Variants in SLC25A17 observed in about 807,000 individuals in gnomAD.
SLC25A17 encodes the protein solute carrier family 25 member 17.
Under a neutral mutation model 38.5 loss-of-function variants are expected in SLC25A17, and 26 were observed. The ratio of observed to expected loss-of-function variants is 0.68; its 90% CI spans 0.50 to 0.94. The LOEUF (loss-of-function observed/expected upper bound fraction) is 0.94, where lower values mean the gene tolerates loss of function less well. Among genes scored for constraint, SLC25A17 ranks in the 40% least tolerant of loss-of-function variants. The probability of loss-of-function intolerance (pLI) is 0.00; values close to 1 mark genes in which losing one functional copy is unlikely to be tolerated. For synonymous variants in SLC25A17, 139 were observed against 136.2 expected (o/e 1.02, Z -0.14); for missense variants, 333 against 372.7 (o/e 0.89, Z 0.88).
chr22:40,815,895 A>G (rs1300237306), intron 1 of SLC25A17, among the ~76,000 whole-genome samples: 1 of 152,200 alleles, frequency 6.6e-6, no homozygotes, highest in African/African-American at 2.4e-5. Flanking sequence ...AAGTTAGAAA[A>G]GTAATTCCAG....
intron 1 of SLC25A17, among the ~76,000 whole-genome samples, chr22:40,800,010 C>T (rs956538929): frequency 6.6e-6 from 1 of 152,190 alleles, no homozygotes; most frequent in Non-Finnish European, 1.5e-5. Flanking sequence ...GGTAATTAAA[C>T]AGACACATAC....
At chr22:40,780,026 A>G (rs1261470455) in intron 4 of SLC25A17, 1 of 152,288 alleles carries the variant, frequency 6.6e-6, no homozygotes, top group Non-Finnish European at 1.5e-5. Flanking sequence ...AAAAAAGCAC[A>G]CATCCAACTG....
intron 1 of SLC25A17, among the ~76,000 whole-genome samples, chr22:40,801,779 G>A (rs964803789): frequency 1.1e-4 from 17 of 152,062 alleles, no homozygotes; most frequent in African/African-American, 3.9e-4. Context: ...CTATCGCATG[G>A]TACTGCATTT....
rs1018689211 is a variant in SLC25A17 at position 40,770,629 on chromosome 22, C to T, written c.*205G>A. The stretch of plus-strand genomic sequence containing the variant: ...TTTTTTCACATTAGTCCAACTGCCA[C>T]CCCAAAATCCAACCAGCCAGCATGA... On this transcript the variant is annotated 3_prime_UTR_variant, in exon 9 of 9. Coordinates refer to ENST00000435456, the MANE Select transcript of SLC25A17 (RefSeq NM_006358.4). 2 of 403,460 alleles carry T rather than the reference C, an allele frequency of 5.0e-6. No homozygotes were observed. Among genetic ancestry groups the T allele is most frequent in the Non-Finnish European group, 8.6e-6 (2 of 232,070 alleles). 25.0% of individuals were successfully genotyped at this position (403,460 alleles called of 1,614,324 possible).
At chr22:40,796,893 A>G (rs2057435935) in intron 2 of SLC25A17, among the ~76,000 whole-genome samples, 1 of 152,224 alleles carries the variant, frequency 6.6e-6, no homozygotes, top group South Asian at 2.1e-4. Context: ...AGACGCTCCC[A>G]ATGCGCTGAT....
chr22:40,794,478 G>A, intron 3 of SLC25A17, 36 bp downstream of exon 3: 1 of 1,296,772 alleles, frequency 7.7e-7, no homozygotes, highest in South Asian at 1.2e-5. Context: ...CTCCTAACAA[G>A]TTGCTTTAAC....
rs369261654 is a variant in SLC25A17 at position 40,794,550 on chromosome 22, T to C, written c.146A>G (p.His49Arg). ...VDEKRKSKTTHMVLLEIIKEE... is the reference protein window; with the variant it reads ...VDEKRKSKTTRMVLLEIIKEE... ...TTTAATGATCTCCAGGAGCACCATGTGTGTAGTTTTGGATTTTCTTTTCTC... is the reference window on the plus strand; with the variant it reads ...TTTAATGATCTCCAGGAGCACCATGCGTGTAGTTTTGGATTTTCTTTTCTC... The change falls in exon 3 of 9, where the codon CAC (histidine) becomes CGC (arginine). Residue 49 changes from histidine (H) to arginine (R), a missense_variant. His to Arg is a conservative substitution (Grantham distance 29, BLOSUM62 0). Coordinates refer to ENST00000435456, the MANE Select transcript of SLC25A17 (RefSeq NM_006358.4). 97 of 1,611,598 alleles carry C rather than the reference T, an allele frequency of 6.0e-5. No individual in the cohort carries two copies. Among genetic ancestry groups the C allele is most frequent in the Non-Finnish European group, 4.8e-5 (57 of 1,178,022 alleles).
At chr22:40,814,782 T>C (rs952751741) in intron 1 of SLC25A17, among the ~76,000 whole-genome samples, 2 of 132,546 alleles carry the variant, frequency 1.5e-5, no homozygotes, top group Non-Finnish European at 3.2e-5. Flanking sequence ...TATATATATA[T>C]ATATATATTG....
intron 1 of SLC25A17, among the ~76,000 whole-genome samples, chr22:40,813,581 G>A (rs139433242): frequency 6.0e-4 from 90 of 150,832 alleles, no homozygotes; most frequent in African/African-American, 2.0e-3. Flanking sequence ...AAGATTAGCC[G>A]GGTGTGGTGG....
At chr22:40,783,662 G>A (rs1232224628) in intron 4 of SLC25A17, among the ~76,000 whole-genome samples, 2 of 151,782 alleles carry the variant, frequency 1.3e-5, no homozygotes, top group Non-Finnish European at 2.9e-5. Flanking sequence ...AATATGTAGA[G>A]ACAGCTTTAA....
chr22:40,815,800 A>G (rs945288475), intron 1 of SLC25A17, among the ~76,000 whole-genome samples: 2 of 152,188 alleles, frequency 1.3e-5, no homozygotes, highest in African/African-American at 4.8e-5. Context: ...CTATTATGCC[A>G]TATTTGCTTC....
intron 4 of SLC25A17, among the ~76,000 whole-genome samples, chr22:40,787,739 G>GACAACAACA (rs573166990): frequency 6.6e-6 from 1 of 150,538 alleles, no homozygotes; most frequent in African/African-American, 2.5e-5. Context: ...TACTGTCTTC[G>GACAACAACA]ACAACAACAA....
At chr22:40,814,656 A>G (rs899285914) in intron 1 of SLC25A17, among the ~76,000 whole-genome samples, 14 of 151,822 alleles carry the variant, frequency 9.2e-5, no homozygotes, top group African/African-American at 3.4e-4. Context: ...ACCTTAAACC[A>G]TTCACAATAG....
chr22:40,781,850 G>C (rs866574605), intron 4 of SLC25A17, among the ~76,000 whole-genome samples: 5 of 152,116 alleles, frequency 3.3e-5, no homozygotes, highest in East Asian at 1.9e-4. Context: ...CAAACCATTC[G>C]TGAGTACCAA....
At chr22:40,814,754 A>AATATATATATATATATAT (rs10527651) in intron 1 of SLC25A17, among the ~76,000 whole-genome samples, 70 of 135,174 alleles carry the variant, frequency 5.2e-4, no homozygotes, top group Middle Eastern at 3.8e-3. Context: ...GTACGTGCAG[A>AATATATATATATATATAT]ATATATATAT....
At chr22:40,816,521 A>G (rs1449428715) in intron 1 of SLC25A17, among the ~76,000 whole-genome samples, 1 of 152,108 alleles carries the variant, frequency 6.6e-6, no homozygotes, top group African/African-American at 2.4e-5. Context: ...CTCTTTAAAA[A>G]GTTTGCCAAT....
At chr22:40,784,784 C>CAAAAAAA (rs71200616) in intron 4 of SLC25A17, among the ~76,000 whole-genome samples, 2,150 of 95,134 alleles carry the variant, frequency 0.023, no homozygotes, top group East Asian at 0.041. Flanking sequence ...TCAACAACAA[C>CAAAAAAA]AAAAAAAAAA....
chr22:40,806,659 AACCAGT>A (rs2057532845), intron 1 of SLC25A17, among the ~76,000 whole-genome samples: 1 of 152,216 alleles, frequency 6.6e-6, no homozygotes, highest in Non-Finnish European at 1.5e-5. Context: ...AATATTATTC[AACCAGT>A]ACCAAAGTTC....
chr22:40,780,084 A>T (rs1391728807), intron 4 of SLC25A17: 1 of 152,236 alleles, frequency 6.6e-6, no homozygotes, highest in East Asian at 1.9e-4. Flanking sequence ...AATCCTAAGG[A>T]AGAGAAGTCT....
Sources: allele counts gnomAD v4.1 joint callset (sites outside exome capture counted in the v4.1 genomes callset), GRCh38; gene constraint gnomAD v4.1.1; transcripts MANE v1.5; gene names NCBI Gene and HGNC (gene_info 2026-07-23, HGNC 2026-07-21).